Variants in CCDC73 observed in about 807,000 individuals in gnomAD.
CCDC73 encodes the protein coiled-coil domain containing 73, also known as coiled-coil domain-containing protein 73.
A neutral mutation model predicts 116.5 loss-of-function variants in CCDC73; 95 were observed. The ratio of observed to expected loss-of-function variants is 0.82; its 90% CI spans 0.69 to 0.97. The LOEUF is 0.97. Among genes scored for constraint, CCDC73 ranks in the 50% least tolerant of loss-of-function variants. CCDC73 has a pLI of 0.00. For missense variants in CCDC73, 1,066 were observed against 1,206.8 expected, an observed-to-expected ratio of 0.88 and a Z score of 1.73; for synonymous variants, 398 against 401.3, an observed-to-expected ratio of 0.99 and a Z score of 0.10.
chr11:32,737,230 GCT>G (rs896929727), intron 2 of CCDC73, among the ~76,000 whole-genome samples: 21 of 109,920 alleles, frequency 1.9e-4, no homozygotes, highest in Non-Finnish European at 3.5e-4. Context: ...ACATAGTAGG[GCT>G]GTGTGTGTGT....
intron 4 of CCDC73, among the ~76,000 whole-genome samples, chr11:32,701,169 T>G (rs1179730003): frequency 6.6e-6 from 1 of 152,150 alleles, no homozygotes; most frequent in Admixed American, 6.5e-5. Flanking sequence ...AATTAGCAAT[T>G]TAATCACACT....
At chr11:32,826,646 C>CAA in the CCDC73 span, among the ~76,000 whole-genome samples, 445 of 63,204 alleles carry the variant, frequency 7.0e-3, 8 homozygotes, top group African/African-American at 0.021. Context: ...GATAATAACT[C>CAA]AAAAAAAAAA....
At chr11:32,663,919 G>C (rs924463062) in intron 9 of CCDC73, among the ~76,000 whole-genome samples, 2 of 152,066 alleles carry the variant, frequency 1.3e-5, no homozygotes, top group Non-Finnish European at 1.5e-5. Context: ...AAGGCCTTTT[G>C]TGCATCTATT....
chr11:32,615,620 G>A lies in CCDC73; in HGVS notation c.1375+320C>T, dbSNP rs1452537980. On this transcript the variant is annotated intron_variant, in intron 15 of 17. Coordinates refer to ENST00000335185, the MANE Select transcript of CCDC73 (RefSeq NM_001008391.4). ...ATTCTCTCTACAACATCTCCACCAA[G>A]TGGTTGTTCAGCCTGAGTTTGAACA... 3.9e-5 allele frequency among the ~76,000 whole-genome samples: 6 copies of A among 152,108 alleles called. No individual in the cohort carries two copies. In the East Asian group the frequency reaches 1.2e-3, roughly 29 times the overall value.
chr11:32,711,370 GC>G (rs1387547443), intron 3 of CCDC73, among the ~76,000 whole-genome samples: 2 of 152,108 alleles, frequency 1.3e-5, no homozygotes, highest in African/African-American at 4.8e-5. Flanking sequence ...ATTTGCAACT[GC>G]AAAAATATGG....
chr11:32,790,523 A>G (rs1392668125), intron 1 of CCDC73, among the ~76,000 whole-genome samples: 1 of 152,206 alleles, frequency 6.6e-6, no homozygotes, highest in Non-Finnish European at 1.5e-5. Flanking sequence ...TTGAGAGCAT[A>G]GTGAATACTT....
In CCDC73 at chr11:32,699,878, AAAT is replaced by A. The variant is rs961080693; in HGVS notation, c.316-556_316-554del. On this transcript the variant is annotated intron_variant, in intron 5 of 17. Transcript: ENST00000335185. ...CATGTACCCTAGAACTTAGATTAAAAAATATATATATATATATATATATAAAAA... is the reference window on the plus strand; with the variant it reads ...CATGTACCCTAGAACTTAGATTAAAAATATATATATATATATATATAAAAA... 4.9e-3 allele frequency among the ~76,000 whole-genome samples: 129 copies of A among 26,474 alleles called. No individual in the cohort carries two copies. The East Asian group carries it at 0.1, about 21-fold the overall frequency. 17.4% of individuals were successfully genotyped at this position (26,474 alleles called of 152,430 possible).
intron 2 of CCDC73, among the ~76,000 whole-genome samples, chr11:32,720,925 T>C (rs1249694370): frequency 6.6e-6 from 1 of 152,224 alleles, no homozygotes; most frequent in Non-Finnish European, 1.5e-5. Flanking sequence ...ACTCACTGAA[T>C]GTACAGCTAA....
intron 6 of CCDC73, among the ~76,000 whole-genome samples, chr11:32,689,543 TA>T (rs1157998155): frequency 6.6e-6 from 1 of 151,354 alleles, no homozygotes; most frequent in Non-Finnish European, 1.5e-5. Flanking sequence ...ATTAGAGACA[TA>T]AAAGATAAAT....
chr11:32,796,897 A>G (rs1850731552), upstream of CCDC73, among the ~76,000 whole-genome samples: 1 of 151,414 alleles, frequency 6.6e-6, no homozygotes, highest in East Asian at 2.0e-4. Context: ...GTGTAATCCC[A>G]GCTGCTCCGG....
At chr11:32,713,675 T>C (rs897874051) in intron 3 of CCDC73, among the ~76,000 whole-genome samples, 2 of 152,078 alleles carry the variant, frequency 1.3e-5, no homozygotes, top group Admixed American at 6.6e-5. Flanking sequence ...TTCAGGACAC[T>C]TTCAGGACAG....
At chr11:32,795,089 GGAGA>G (rs1175115817), upstream of CCDC73, among the ~76,000 whole-genome samples, 1 of 152,144 alleles carries the variant, frequency 6.6e-6, no homozygotes, top group Non-Finnish European at 1.5e-5. Context: ...GATGGGAACG[GGAGA>G]GAGAGGGAGA....
intron 6 of CCDC73, among the ~76,000 whole-genome samples, chr11:32,687,676 A>C (rs1448124989): frequency 6.6e-6 from 1 of 152,178 alleles, no homozygotes; most frequent in Non-Finnish European, 1.5e-5. Flanking sequence ...ATGTATGTAA[A>C]TATATACATA....
At chr11:32,686,209 CAAAAAAAAAA>C (rs34582756) in intron 6 of CCDC73, among the ~76,000 whole-genome samples, 2 of 56,860 alleles carry the variant, frequency 3.5e-5, no homozygotes, top group Admixed American at 2.7e-4. Context: ...GAGGGAAAGC[CAAAAAAAAAA>C]AAAAAAAAAA....
Position 32,679,511 on chromosome 11 carries a change from G to A in CCDC73, c.430-3490C>T, listed in dbSNP as rs142820296. Among the ~76,000 whole-genome samples the A allele has an allele frequency of 3.6e-3, 541 of 151,888 alleles. 6 individuals are homozygous for A. Among genetic ancestry groups the A allele is most frequent in the African/African-American group, 0.013 (520 of 41,400 alleles). ...CCCGAGTAGCTAGGACTACAGGTGC[G>A]CACCACCACACCCAGCTAATTTTTT... On this transcript the variant is annotated intron_variant, in intron 7 of 17. Coordinates refer to ENST00000335185, the MANE Select transcript of CCDC73 (RefSeq NM_001008391.4).
intron 3 of CCDC73, among the ~76,000 whole-genome samples, chr11:32,714,387 A>G (rs1387069010): frequency 1.3e-5 from 2 of 152,122 alleles, no homozygotes; most frequent in Admixed American, 6.6e-5. Context: ...GTGGCAAAAC[A>G]CTCCAAGGGA....
rs555317611 is a variant in CCDC73 at position 32,753,519 on chromosome 11, C to T, written c.135+6590G>A. ...TCACTCTTTAGCCCAGGCTGGAGTG[C>T]AGTGACATGATCTTGGCTTACTGCA... On this transcript the variant is annotated intron_variant, in intron 2 of 17. Transcript: ENST00000335185. Among the ~76,000 whole-genome samples the T allele has an allele frequency of 5.3e-5, 8 of 152,030 alleles. No individual in the cohort carries two copies. The East Asian group carries it at 1.4e-3, about 26-fold the overall frequency.
chr11:32,806,642 A>AG, the CCDC73 span, among the ~76,000 whole-genome samples: 15 of 151,654 alleles, frequency 9.9e-5, no homozygotes, highest in South Asian at 1.3e-3. Context: ...AAAAAAAAAA[A>AG]AAAGAAAGAA....
intron 2 of CCDC73, among the ~76,000 whole-genome samples, chr11:32,734,813 T>G (rs933591604): frequency 2.0e-5 from 3 of 152,174 alleles, no homozygotes; most frequent in African/African-American, 7.2e-5. Context: ...TCAAAAAACT[T>G]ATCCACCATG....
Sources: allele counts gnomAD v4.1 joint callset (sites outside exome capture counted in the v4.1 genomes callset), GRCh38; gene constraint gnomAD v4.1.1; transcripts MANE v1.5; gene names NCBI Gene and HGNC (gene_info 2026-07-23, HGNC 2026-07-21).